Variants in DCC observed in about 807,000 individuals in gnomAD.
The protein encoded by DCC is netrin receptor DCC.
A neutral mutation model predicts 172.5 loss-of-function variants in DCC; 58 were observed. That is an observed-to-expected ratio of 0.34 (90% CI 0.27 to 0.42). The LOEUF is 0.42. Ranked by LOEUF, DCC falls within the 10% of genes least tolerant of loss-of-function variation. The pLI, the probability that DCC is intolerant of heterozygous loss-of-function variation, is 1.00. For synonymous variants in DCC, 709 were observed against 644.5 expected (o/e 1.10, Z -1.52); for missense variants, 1,740 against 1,791.0 (o/e 0.97, Z 0.51).
chr18:53,397,926 T>G (rs1237770334), intron 18 of DCC, among the ~76,000 whole-genome samples: 1 of 152,182 alleles, frequency 6.6e-6, no homozygotes, highest in Admixed American at 6.5e-5. Context: ...TCCAGGTGGT[T>G]TTGTTCACTC....
chr18:53,025,582 C>G (rs1178451468), intron 5 of DCC, among the ~76,000 whole-genome samples: 2 of 152,104 alleles, frequency 1.3e-5, no homozygotes, highest in Non-Finnish European at 2.9e-5. Flanking sequence ...TATAGCATCA[C>G]TATTCCAGAA....
intron 2 of DCC, among the ~76,000 whole-genome samples, chr18:52,819,719 G>A (rs2038368630): frequency 1.9e-5 from 2 of 103,882 alleles, no homozygotes; most frequent in Non-Finnish European, 4.1e-5. Flanking sequence ...TGATTAACTT[G>A]TGAACTTTTT....
intron 2 of DCC, among the ~76,000 whole-genome samples, chr18:52,815,769 A>G (rs1418965244): frequency 6.6e-6 from 1 of 152,244 alleles, no homozygotes; most frequent in Non-Finnish European, 1.5e-5. Context: ...TTTATTAGAT[A>G]ACTATGATAT....
intron 25 of DCC, among the ~76,000 whole-genome samples, chr18:53,483,444 T>A (rs2045861786): frequency 6.6e-6 from 1 of 151,908 alleles, no homozygotes; most frequent in Non-Finnish European, 1.5e-5. Context: ...AACATGCTTT[T>A]AAACCAATCT....
intron 15 of DCC, among the ~76,000 whole-genome samples, chr18:53,342,263 A>G (rs911146020): frequency 2.0e-5 from 3 of 152,048 alleles, no homozygotes; most frequent in Non-Finnish European, 4.4e-5. Context: ...CCTAATTAAA[A>G]GCAAACAAAC....
At chr18:53,413,851 T>C (rs1017590036) in intron 20 of DCC, among the ~76,000 whole-genome samples, 15 of 152,286 alleles carry the variant, frequency 9.8e-5, no homozygotes, top group Middle Eastern at 3.4e-3. Flanking sequence ...CTTATGACCT[T>C]GACATATCTT....
Position 53,239,199 on chromosome 18 carries a change from TAAAAA to T in DCC, c.1911+23603_1911+23607del, listed in dbSNP as rs202066772. Among the ~76,000 whole-genome samples the T allele has an allele frequency of 1.5e-4, 18 of 117,536 alleles. No individual in the cohort carries two copies. In the East Asian group the frequency reaches 3.8e-3, roughly 25 times the overall value. The allele number at this position is 117,536 out of a possible 152,430, so 77.1% of individuals were successfully genotyped here. A position where few individuals can be genotyped will look rare whatever the true frequency, so the allele number is the denominator to read the frequency against. ...CCTAGAACTTAAAATATAATAATAATAAAAATAAATAAATAAAAAATAAAAATGAA... is the reference window on the plus strand; with the variant it reads ...CCTAGAACTTAAAATATAATAATAATTAAATAAATAAAAAATAAAAATGAA... On this transcript the variant is annotated intron_variant, in intron 12 of 28. Transcript: ENST00000442544.
intron 2 of DCC, among the ~76,000 whole-genome samples, chr18:52,828,114 T>C (rs2038545123): frequency 6.6e-6 from 1 of 152,198 alleles, no homozygotes; most frequent in Non-Finnish European, 1.5e-5. Context: ...TGGAACATGG[T>C]ATACATTATC....
At chr18:52,931,754 C>G (rs2040310585) in intron 5 of DCC, 1 of 151,936 alleles carries the variant, frequency 6.6e-6, no homozygotes, top group Non-Finnish European at 1.5e-5. Context: ...TTTTCTTTAT[C>G]ATAGCCATTT....
chr18:52,641,764 G>A (rs1372849954), intron 1 of DCC, among the ~76,000 whole-genome samples: 4 of 151,956 alleles, frequency 2.6e-5, no homozygotes, highest in African/African-American at 9.7e-5. Flanking sequence ...TACACTGCTG[G>A]TGGGAATGTA....
chr18:52,811,436 C>T (rs9957761), intron 2 of DCC, among the ~76,000 whole-genome samples: 63 of 152,216 alleles, frequency 4.1e-4, no homozygotes, highest in African/African-American at 1.3e-3. Flanking sequence ...CAATAGCATT[C>T]GCTTGGTTAA....
At chr18:52,699,200 G>T (rs9959862) in intron 1 of DCC, among the ~76,000 whole-genome samples, 1 of 152,004 alleles carries the variant, frequency 6.6e-6, no homozygotes, top group African/African-American at 2.4e-5. Flanking sequence ...GGGATGACAG[G>T]GTGCAAGATT....
At chr18:52,923,506 T>A (rs1370034203) in intron 3 of DCC, among the ~76,000 whole-genome samples, 1 of 152,148 alleles carries the variant, frequency 6.6e-6, no homozygotes, top group African/African-American at 2.4e-5. Context: ...CCCTATACCA[T>A]GATGTCATCA....
rs909932722 is a variant in DCC at position 53,255,257 on chromosome 18, C to A, written c.1911+39660C>A. 2.6e-5 allele frequency among the ~76,000 whole-genome samples: 4 copies of A among 151,494 alleles called. No homozygotes were observed. In the East Asian group the frequency reaches 5.8e-4, roughly 22 times the overall value. The stretch of plus-strand genomic sequence containing the variant: ...TACTTTAAGTTTTAGGGTACATGTG[C>A]ACAACATGCAGGTTTGTTACATATG... On this transcript the variant is annotated intron_variant, in intron 12 of 28. Transcript: ENST00000442544.
At chr18:52,852,521 G>A (rs2038991773) in intron 2 of DCC, among the ~76,000 whole-genome samples, 3 of 152,104 alleles carry the variant, frequency 2.0e-5, no homozygotes, top group Admixed American at 2.0e-4. Context: ...TATGAAAATA[G>A]GTAAATCAAT....
In DCC at chr18:53,018,358, C is replaced by G. The variant is rs988517194; in HGVS notation, c.986-44947C>G. ...TAAATTCTGAATATAAGAATTTACC[C>G]AGTTGCTCCCAAACTGGCTTTAAGG... On this transcript the variant is annotated intron_variant, in intron 5 of 28. Coordinates refer to ENST00000442544, the MANE Select transcript of DCC (RefSeq NM_005215.4). 1.1e-4 allele frequency among the ~76,000 whole-genome samples: 16 copies of G among 152,284 alleles called. No homozygotes were observed. The East Asian group carries it at 1.5e-3, about 15-fold the overall frequency.
chr18:52,934,166 T>C (rs1402618750), intron 5 of DCC, among the ~76,000 whole-genome samples: 3 of 152,098 alleles, frequency 2.0e-5, no homozygotes, highest in Non-Finnish European at 4.4e-5. Flanking sequence ...TACGTAGTTC[T>C]CATGAATTAT....
intron 7 of DCC, among the ~76,000 whole-genome samples, chr18:53,110,441 C>A (rs1241505209): frequency 4.6e-5 from 7 of 151,540 alleles, no homozygotes; most frequent in Non-Finnish European, 1.0e-4. Flanking sequence ...CATCCAAACC[C>A]AACCAAGAAA....
At chr18:53,437,261 C>A (rs1285801609) in intron 22 of DCC, among the ~76,000 whole-genome samples, 2 of 152,124 alleles carry the variant, frequency 1.3e-5, no homozygotes, top group Non-Finnish European at 1.5e-5. Flanking sequence ...CTCTGGCAGT[C>A]CCTAACATAC....
Sources: allele counts gnomAD v4.1 joint callset (sites outside exome capture counted in the v4.1 genomes callset), GRCh38; gene constraint gnomAD v4.1.1; transcripts MANE v1.5; gene names NCBI Gene and HGNC (gene_info 2026-07-23, HGNC 2026-07-21).